NALF1: variants seen among roughly 807,000 people sequenced by gnomAD.
The protein encoded by NALF1 is NALCN channel auxiliary factor 1.
NALF1 carries 3 observed loss-of-function variants against 48.4 expected under a neutral mutation model. That is an observed-to-expected ratio of 0.06 (90% CI 0.03 to 0.16). The LOEUF is 0.16. Among genes scored for constraint, NALF1 ranks in the 10% least tolerant of loss-of-function variants. The pLI is 1.00. For missense variants in NALF1, 526 were observed against 571.5 expected (o/e 0.92, Z 0.81); for synonymous variants, 262 against 245.7 (o/e 1.07, Z -0.62).
At chr13:107,228,616 G>A (rs557253441) in intron 1 of NALF1, among the ~76,000 whole-genome samples, 1 of 152,164 alleles carries the variant, frequency 6.6e-6, no homozygotes, top group South Asian at 2.1e-4. Context: ...AAATCTAAGG[G>A]TGCCGGTAAT....
chr13:107,791,081 TCCA>T (rs1172591358), intron 1 of NALF1, among the ~76,000 whole-genome samples: 5 of 152,154 alleles, frequency 3.3e-5, no homozygotes, highest in African/African-American at 1.2e-4. Context: ...AAAAATAAAA[TCCA>T]CCTTTTCCTA....
intron 1 of NALF1, among the ~76,000 whole-genome samples, chr13:107,286,240 G>C (rs1337745365): frequency 1.3e-5 from 2 of 152,184 alleles, no homozygotes; most frequent in Non-Finnish European, 2.9e-5. Context: ...ACGTGACCCT[G>C]TAATTCCACT....
At chr13:107,340,241 AGCG>A (rs1232217795) in intron 1 of NALF1, among the ~76,000 whole-genome samples, 5 of 151,106 alleles carry the variant, frequency 3.3e-5, no homozygotes, top group Middle Eastern at 3.4e-3. Context: ...CCCGGGTTCA[AGCG>A]ATTCTCCTGC....
intron 1 of NALF1, among the ~76,000 whole-genome samples, chr13:107,594,855 A>G (rs1878697548): frequency 6.6e-6 from 1 of 152,098 alleles, no homozygotes; most frequent in Non-Finnish European, 1.5e-5. Context: ...GTACCCTTGT[A>G]ACAAATCTAT....
chr13:107,183,168 T>C (rs569912399), intron 2 of NALF1, among the ~76,000 whole-genome samples: 1 of 152,262 alleles, frequency 6.6e-6, no homozygotes, highest in African/African-American at 2.4e-5. Flanking sequence ...ACTGGAATTG[T>C]GGATTTGCTG....
chr13:107,197,339 G>A (rs994271056), intron 2 of NALF1, among the ~76,000 whole-genome samples: 42 of 152,164 alleles, frequency 2.8e-4, no homozygotes, highest in African/African-American at 8.7e-4. Context: ...CCCTAAATAC[G>A]CAAAATACAA....
chr13:107,818,126 C>T (rs1450690932), intron 1 of NALF1, among the ~76,000 whole-genome samples: 7 of 152,074 alleles, frequency 4.6e-5, no homozygotes, highest in African/African-American at 1.7e-4. Flanking sequence ...ATGATGGCAT[C>T]GGAGGGACAT....
chr13:107,452,626 C>T (rs1035025577), intron 1 of NALF1, among the ~76,000 whole-genome samples: 8 of 152,156 alleles, frequency 5.3e-5, no homozygotes, highest in Non-Finnish European at 2.9e-5. Flanking sequence ...AGCCTAACCA[C>T]ATAATTCTGC....
intron 1 of NALF1, among the ~76,000 whole-genome samples, chr13:107,313,865 T>C (rs1056260334): frequency 6.6e-6 from 1 of 152,110 alleles, no homozygotes; most frequent in African/African-American, 2.4e-5. Flanking sequence ...AATGTACATC[T>C]TACACATATT....
At chr13:107,260,552 C>A (rs544330970) in intron 1 of NALF1, among the ~76,000 whole-genome samples, 1 of 152,308 alleles carries the variant, frequency 6.6e-6, no homozygotes, top group South Asian at 2.1e-4. Context: ...CTCTGATTTT[C>A]CAGCTCTGTT....
chr13:107,735,728 G>C (rs546991260), intron 1 of NALF1, among the ~76,000 whole-genome samples: 6 of 152,236 alleles, frequency 3.9e-5, no homozygotes, highest in East Asian at 1.9e-4. Flanking sequence ...TTATAGATTT[G>C]AATTTACATT....
chr13:107,495,463 A>C (rs968317221), intron 1 of NALF1, among the ~76,000 whole-genome samples: 13 of 152,212 alleles, frequency 8.5e-5, no homozygotes, highest in African/African-American at 2.9e-4. Context: ...TTATCTGCAT[A>C]CTTGGCAGAA....
At chr13:107,640,827 C>A (rs1434212720) in intron 1 of NALF1, among the ~76,000 whole-genome samples, 2 of 152,154 alleles carry the variant, frequency 1.3e-5, no homozygotes, top group East Asian at 3.9e-4. Context: ...CATTGTGTTT[C>A]TCTTAGATCT....
At chr13:107,180,567 G>GA (rs1879039898) in intron 2 of NALF1, among the ~76,000 whole-genome samples, 1 of 151,636 alleles carries the variant, frequency 6.6e-6, no homozygotes, top group African/African-American at 2.4e-5. Flanking sequence ...TTTTTCATCT[G>GA]AAAAAAGAAG....
chr13:107,392,450 A>G (rs1233932932), intron 1 of NALF1, among the ~76,000 whole-genome samples: 2 of 151,992 alleles, frequency 1.3e-5, no homozygotes, highest in Non-Finnish European at 2.9e-5. Context: ...TTTCCTAACA[A>G]ATTCTGATAG....
chr13:107,557,810 C>T (rs1039738178), intron 1 of NALF1, among the ~76,000 whole-genome samples: 2 of 152,152 alleles, frequency 1.3e-5, no homozygotes, highest in South Asian at 2.1e-4. Flanking sequence ...AAAGCAAGCA[C>T]GGACACCCAT....
intron 1 of NALF1, among the ~76,000 whole-genome samples, chr13:107,684,017 G>C (rs1881368382): frequency 6.6e-6 from 1 of 152,094 alleles, no homozygotes; most frequent in South Asian, 2.1e-4. Context: ...TCATCCATTT[G>C]TTCCCCATCT....
In NALF1 at chr13:107,225,979, A is replaced by T. The variant is rs1191223660; in HGVS notation, c.916-15224T>A. On this transcript the variant is annotated intron_variant, in intron 1 of 2. Coordinates refer to ENST00000375915, the MANE Select transcript of NALF1 (RefSeq NM_001080396.3). ...TACACATTAAAACAAACAAACAAAA[A>T]CTTTCTACTTGCCACACACGTGGAC... 6.7e-5 allele frequency among the ~76,000 whole-genome samples: 10 copies of T among 148,958 alleles called. No individual in the cohort carries two copies. The East Asian group carries it at 2.0e-3, about 29-fold the overall frequency.
intron 1 of NALF1, among the ~76,000 whole-genome samples, chr13:107,843,374 T>C (rs1278011200): frequency 3.9e-5 from 6 of 152,132 alleles, no homozygotes; most frequent in African/African-American, 1.4e-4. Flanking sequence ...TGCATATAGT[T>C]CACGCTCCAC....
Sources: allele counts gnomAD v4.1 joint callset (sites outside exome capture counted in the v4.1 genomes callset), GRCh38; gene constraint gnomAD v4.1.1; transcripts MANE v1.5; gene names NCBI Gene and HGNC (gene_info 2026-07-23, HGNC 2026-07-21).